ZNF292: variants seen among roughly 807,000 people sequenced by gnomAD.
ZNF292 encodes 16 zinc-finger domain protein.
A neutral mutation model predicts 217.9 loss-of-function variants in ZNF292; 26 were observed. The ratio of observed to expected loss-of-function variants is 0.12; its 90% CI spans 0.09 to 0.17. The LOEUF (loss-of-function observed/expected upper bound fraction) is 0.17. ZNF292 is among the 10% of genes least tolerant of loss of function. ZNF292 has a pLI of 1.00. For synonymous variants in ZNF292, 1,257 were observed against 1,124.1 expected (o/e 1.12, Z -2.37); for missense variants, 2,904 against 3,175.2 (o/e 0.91, Z 2.05).
intron 4 of ZNF292, chr6:87,222,845 G>A (rs1369329406): frequency 2.2e-6 from 1 of 452,604 alleles, no homozygotes; most frequent in Non-Finnish European, 4.4e-6. Context: ...CAGTTTTTCA[G>A]ACTTTCCTTG....
intron 1 of ZNF292, among the ~76,000 whole-genome samples, chr6:87,167,931 A>G (rs1770970255): frequency 6.6e-6 from 1 of 152,218 alleles, no homozygotes; most frequent in African/African-American, 2.4e-5. Context: ...AAGGACTCTT[A>G]GTGAAGCTTC....
Position 87,256,153 on chromosome 6 carries a change from G to A in ZNF292, c.2524G>A (p.Glu842Lys), listed in dbSNP as rs1775197814. The A allele has an allele frequency of 6.2e-7, 1 of 1,613,710 alleles. No individual in the cohort carries two copies. The highest frequency in any genetic ancestry group is 1.1e-5 in the South Asian group (1 of 91,064). ...STPPEKVLPPEAQLNSSGDSI... is the reference protein window; with the variant it reads ...STPPEKVLPPKAQLNSSGDSI... ...TCCTCCTGAAAAAGTGCTGCCTCCT[G>A]AAGCCCAACTTAATTCATCTGGAGA... Residue 842 changes from glutamate to lysine, a missense_variant, in exon 8 of 8, where the codon GAA becomes AAA. Glu to Lys is a moderately conservative substitution (Grantham distance 56). Around this residue, in one of 15 missense-constraint regions of ZNF292, gnomAD observed 687 missense variants for 623.0 expected, o/e 1.10. Coordinates refer to ENST00000369577, the MANE Select transcript of ZNF292 (RefSeq NM_015021.3).
intron 1 of ZNF292, among the ~76,000 whole-genome samples, chr6:87,189,089 C>T (rs1020708674): frequency 2.0e-5 from 3 of 151,980 alleles, no homozygotes; most frequent in Non-Finnish European, 4.4e-5. Context: ...CCTGTAATTG[C>T]AGCTACTGGG....
chr6:87,260,168 C>A lies in ZNF292; in HGVS notation c.6539C>A (p.Ser2180Tyr). 1 of 1,612,740 alleles carries A rather than the reference C, an allele frequency of 6.2e-7. No homozygotes were observed. ...KEFRCQVSDC[S>Y]RIFQAITGLI... The stretch of plus-strand genomic sequence containing the variant: ...TTTCGATGTCAGGTAAGTGACTGTT[C>A]TCGAATTTTCCAAGCAATTACTGGC... The change falls in exon 8 of 8, where the codon TCT (serine) becomes TAT (tyrosine). Residue 2180 changes from serine to tyrosine, a missense_variant. Ser to Tyr is a moderately radical substitution (Grantham distance 144, BLOSUM62 -2). Transcript: ENST00000369577.
chr6:87,189,795 C>T (rs1208691608), intron 1 of ZNF292, among the ~76,000 whole-genome samples: 1 of 152,162 alleles, frequency 6.6e-6, no homozygotes, highest in African/African-American at 2.4e-5. Context: ...CACCCTTCCC[C>T]TTCCATACTG....
At chr6:87,176,524 G>A (rs1436280235) in intron 1 of ZNF292, among the ~76,000 whole-genome samples, 2 of 152,160 alleles carry the variant, frequency 1.3e-5, no homozygotes. Flanking sequence ...GGAGAAGGGT[G>A]GGAGGAGGTC....
chr6:87,187,083 C>G (rs113243692), intron 1 of ZNF292, among the ~76,000 whole-genome samples: 61 of 152,230 alleles, frequency 4.0e-4, no homozygotes, highest in African/African-American at 1.3e-3. Flanking sequence ...TTTTTCCTCA[C>G]TTCAGTGACA....
At chr6:87,206,416 C>T (rs1772255497) in intron 1 of ZNF292, among the ~76,000 whole-genome samples, 1 of 151,992 alleles carries the variant, frequency 6.6e-6, no homozygotes. Flanking sequence ...CACCGAGATT[C>T]CCCCTTCATT....
rs776427936 is a variant in ZNF292, at chr6:87,260,254, G to A, written c.6625G>A (p.Ala2209Thr). 1 of 1,613,620 alleles carries A rather than the reference G, an allele frequency of 6.2e-7. No homozygotes were observed. The highest frequency in any genetic ancestry group is 1.1e-5 in the South Asian group (1 of 91,078). ...MTPEEIESMTASVDVGKFPCD... is the reference protein window; with the variant it reads ...MTPEEIESMTTSVDVGKFPCD... ...TCCTGAAGAAATTGAAAGTATGACT[G>A]CTTCAGTGGATGTTGGGAAGTTTCC... Residue 2209 changes from alanine (A) to threonine (T), a missense_variant, in exon 8 of 8, where the codon GCT becomes ACT. Coordinates refer to ENST00000369577, the MANE Select transcript of ZNF292 (RefSeq NM_015021.3).
rs1270807344 is a variant in ZNF292 at position 87,265,614 on chromosome 6, G to C, written c.*3813G>C. Among the ~76,000 whole-genome samples, 1 of 152,144 alleles carries C rather than the reference G, an allele frequency of 6.6e-6. No individual in the cohort carries two copies. Among genetic ancestry groups the C allele is most frequent in the African/African-American group, 2.4e-5 (1 of 41,442 alleles). On this transcript the variant is annotated 3_prime_UTR_variant, in exon 8 of 8. Coordinates refer to ENST00000369577, the MANE Select transcript of ZNF292 (RefSeq NM_015021.3). Reference sequence around the variant, plus strand: ...GAAAGGGAATTTTCCAGACTTAATTGACCCTGAGAACATTTTTCTTCTTTT... The same window carrying C: ...GAAAGGGAATTTTCCAGACTTAATTCACCCTGAGAACATTTTTCTTCTTTT...
intron 7 of ZNF292, among the ~76,000 whole-genome samples, chr6:87,253,988 T>C (rs1244330507): frequency 1.3e-5 from 2 of 152,266 alleles, no homozygotes; most frequent in Non-Finnish European, 2.9e-5. Flanking sequence ...TTTGTTGGGC[T>C]ATGTCTACCC....
chr6:87,184,002 A>G (rs945147742), intron 1 of ZNF292, among the ~76,000 whole-genome samples: 7 of 152,250 alleles, frequency 4.6e-5, no homozygotes, highest in Non-Finnish European at 8.8e-5. Flanking sequence ...GGACATCTCC[A>G]TTTATTGAGG....
chr6:87,217,906 A>G (rs1772869391), intron 3 of ZNF292, among the ~76,000 whole-genome samples: 1 of 152,098 alleles, frequency 6.6e-6, no homozygotes, highest in Non-Finnish European at 1.5e-5. Flanking sequence ...TAACTATTTA[A>G]ACATTTCTTT....
Position 87,176,645 on chromosome 6 carries a change from G to A in ZNF292, c.168+20886G>A, listed in dbSNP as rs138565849. Among the ~76,000 whole-genome samples, 1,438 of 152,168 alleles carry A rather than the reference G, an allele frequency of 9.5e-3. 19 individuals carry two copies. Among genetic ancestry groups the A allele is most frequent in the African/African-American group, 0.033 (1,354 of 41,510 alleles). On this transcript the variant is annotated intron_variant, in intron 1 of 7. Transcript: ENST00000369577. ...GTTTTCTTCCTTTCACTCTTCACTA[G>A]CAACACTCAAGCATTTTTCCCAACT...
intron 5 of ZNF292, among the ~76,000 whole-genome samples, chr6:87,239,468 GCGGC>G (rs1774106272): frequency 1.4e-5 from 2 of 146,788 alleles, no homozygotes; most frequent in African/African-American, 5.4e-5. Flanking sequence ...CCCGGATGGG[GCGGC>G]TGGCCGGGCG....
intron 1 of ZNF292, among the ~76,000 whole-genome samples, chr6:87,205,960 C>T (rs1772240272): frequency 6.6e-6 from 1 of 152,166 alleles, no homozygotes; most frequent in African/African-American, 2.4e-5. Context: ...CATTATCGCT[C>T]ACTCATCTGA....
At position 87,254,788 on chromosome 6, in the gene ZNF292, C is replaced by T. The variant is rs1471378908; in HGVS notation, c.1159C>T (p.Arg387Cys). Residue 387 changes from arginine (R) to cysteine (C), a missense_variant, in exon 8 of 8, where the codon CGT (arginine) becomes TGT (cysteine). Coordinates refer to ENST00000369577, the MANE Select transcript of ZNF292 (RefSeq NM_015021.3). ...CLLPDDLEVKRACQLSEFLIE... is the reference protein window; with the variant it reads ...CLLPDDLEVKCACQLSEFLIE... The stretch of plus-strand genomic sequence containing the variant: ...GTTGCCTGATGATCTGGAAGTTAAA[C>T]GTGCTTGTCAACTGAGTGAATTTCT... 6.2e-7 allele frequency: 1 copy of T among 1,613,888 alleles called. No individual in the cohort carries two copies. Among genetic ancestry groups the T allele is most frequent in the Non-Finnish European group, 8.5e-7 (1 of 1,179,838 alleles).
In ZNF292 at chr6:87,197,792, ATC is replaced by A. The variant is rs1036825295; in HGVS notation, c.169-18109_169-18108del. On this transcript the variant is annotated intron_variant, in intron 1 of 7. Coordinates refer to ENST00000369577, the MANE Select transcript of ZNF292 (RefSeq NM_015021.3). ...AGTTTCAATTTTTTATCTAAGAAGT[ATC>A]TGTTTTAGTTGAAAGAAGTACATTC... 2.7e-5 allele frequency among the ~76,000 whole-genome samples: 4 copies of A among 148,996 alleles called. No homozygotes were observed. In the East Asian group the frequency reaches 8.0e-4, roughly 30 times the overall value.
At chr6:87,253,126 T>C (rs547988870) in intron 7 of ZNF292, among the ~76,000 whole-genome samples, 3 of 151,400 alleles carry the variant, frequency 2.0e-5, no homozygotes, top group Admixed American at 6.6e-5. Flanking sequence ...TTGCCTAGGC[T>C]GGTGTCAAAC....
Sources: allele counts gnomAD v4.1 joint callset (sites outside exome capture counted in the v4.1 genomes callset), GRCh38; gene constraint gnomAD v4.1.1; regional missense constraint gnomAD v4.1.1; transcripts MANE v1.5; gene names NCBI Gene and HGNC (gene_info 2026-07-23, HGNC 2026-07-21).